The following PPFIA2 variants were observed in gnomAD, a reference collection of about 807,000 sequenced individuals.
The protein encoded by PPFIA2 is liprin-alpha-2.
A neutral mutation model predicts 175.5 loss-of-function variants in PPFIA2; 46 were observed. The ratio of observed to expected loss-of-function variants is 0.26; its 90% CI spans 0.21 to 0.34. The LOEUF (loss-of-function observed/expected upper bound fraction) is 0.34, where lower values mean the gene tolerates loss of function less well. PPFIA2 is among the 10% of genes least tolerant of loss of function. The probability of loss-of-function intolerance (pLI) is 1.00; values close to 1 mark genes in which losing one functional copy is unlikely to be tolerated. For synonymous variants in PPFIA2, 568 were observed against 511.4 expected (o/e 1.11, Z -1.49); for missense variants, 1,179 against 1,506.1 (o/e 0.78, Z 3.60).
chr12:81,426,050 A>G (rs1429715808), intron 7 of PPFIA2, among the ~76,000 whole-genome samples: 1 of 152,184 alleles, frequency 6.6e-6, no homozygotes, highest in East Asian at 1.9e-4. Context: ...ACTACACCTG[A>G]TAATCCAGCT....
At position 81,587,564 on chromosome 12, in the gene PPFIA2, T is replaced by C. The variant is rs538223092; in HGVS notation, c.303+89227A>G. Reference sequence around the variant, plus strand: ...GAATTTTTTAGAATAATTCTTGTTATTTGTAAAGTATTTTGAAAATATAAA... The same window carrying C: ...GAATTTTTTAGAATAATTCTTGTTACTTGTAAAGTATTTTGAAAATATAAA... On this transcript the variant is annotated intron_variant, in intron 4 of 32. Coordinates refer to ENST00000549396, the MANE Select transcript of PPFIA2 (RefSeq NM_003625.5). Among the ~76,000 whole-genome samples the C allele has an allele frequency of 4.6e-5, 7 of 152,154 alleles. No homozygotes were observed. In the East Asian group the frequency reaches 1.4e-3, roughly 29 times the overall value.
At chr12:81,658,214 G>A (rs2068091128) in intron 4 of PPFIA2, among the ~76,000 whole-genome samples, 1 of 147,760 alleles carries the variant, frequency 6.8e-6, no homozygotes, top group Non-Finnish European at 1.5e-5. Flanking sequence ...GTTGTGGTGA[G>A]CCCAGATCGT....
chr12:81,325,594 C>T (rs1440791773), intron 22 of PPFIA2, among the ~76,000 whole-genome samples, 183 bp downstream of exon 22: 1 of 152,070 alleles, frequency 6.6e-6, no homozygotes, highest in Non-Finnish European at 1.5e-5. Context: ...TATTTTTATA[C>T]TCTTTTAAAC....
intron 4 of PPFIA2, among the ~76,000 whole-genome samples, chr12:81,640,753 T>C (rs944728635): frequency 2.0e-5 from 3 of 152,128 alleles, no homozygotes; most frequent in African/African-American, 7.2e-5. Flanking sequence ...ATCCTAAAAA[T>C]AATAAACTCA....
chr12:81,355,005 G>T (rs1411445567), intron 16 of PPFIA2, among the ~76,000 whole-genome samples: 1 of 152,126 alleles, frequency 6.6e-6, no homozygotes, highest in Admixed American at 6.5e-5. Context: ...CTAGAATGAT[G>T]AATCGTTTCC....
At chr12:81,657,878 C>T (rs2068037049) in intron 4 of PPFIA2, among the ~76,000 whole-genome samples, 2 of 151,976 alleles carry the variant, frequency 1.3e-5, no homozygotes, top group African/African-American at 4.8e-5. Context: ...ATAAAAATAA[C>T]CCCCCCAACC....
At chr12:81,408,351 A>G (rs1279569610) in intron 7 of PPFIA2, among the ~76,000 whole-genome samples, 1 of 152,194 alleles carries the variant, frequency 6.6e-6, no homozygotes, top group Non-Finnish European at 1.5e-5. Flanking sequence ...AACATCTATG[A>G]CTAACAGAAA....
chr12:81,748,504 C>T (rs1597181067), intron 3 of PPFIA2, among the ~76,000 whole-genome samples: 1 of 144,580 alleles, frequency 6.9e-6, no homozygotes, highest in Admixed American at 7.3e-5. Context: ...GAGAACCTGC[C>T]AGGGCTAGCC....
At chr12:81,263,458 G>T (rs1272789345) in intron 30 of PPFIA2, 68 bp from the exon 31 acceptor site, 16 of 1,378,762 alleles carry the variant, frequency 1.2e-5, no homozygotes, top group Non-Finnish European at 1.0e-6. Context: ...AAAGCTCTGT[G>T]CTTAGAAACA....
intron 5 of PPFIA2, among the ~76,000 whole-genome samples, chr12:81,449,966 G>C (rs182720472): frequency 9.9e-5 from 15 of 151,622 alleles, no homozygotes; most frequent in Non-Finnish European, 1.9e-4. Context: ...AAAGGACATG[G>C]ACTCATCCTT....
intron 4 of PPFIA2, among the ~76,000 whole-genome samples, chr12:81,515,222 T>G (rs1266697328): frequency 6.6e-6 from 1 of 151,878 alleles, no homozygotes. Flanking sequence ...CTAATTCAAG[T>G]AATGGGGGGT....
intron 4 of PPFIA2, among the ~76,000 whole-genome samples, chr12:81,504,983 G>A (rs560099466): frequency 4.6e-5 from 7 of 152,186 alleles, no homozygotes; most frequent in East Asian, 3.9e-4. Context: ...ATCACACACC[G>A]GGCCCTGTCA....
intron 4 of PPFIA2, among the ~76,000 whole-genome samples, chr12:81,653,300 A>G (rs1669149800): frequency 6.6e-6 from 1 of 152,056 alleles, no homozygotes; most frequent in South Asian, 2.1e-4. Flanking sequence ...TCACTCCAAT[A>G]CCATTTTATG....
At chr12:81,581,660 G>A (rs1260927617) in intron 4 of PPFIA2, among the ~76,000 whole-genome samples, 2 of 151,152 alleles carry the variant, frequency 1.3e-5, no homozygotes, top group Middle Eastern at 3.4e-3. Context: ...CTTCCTTGCC[G>A]TAATTTATCC....
At chr12:81,316,497 T>G (rs1342378968) in intron 22 of PPFIA2, among the ~76,000 whole-genome samples, 1 of 151,600 alleles carries the variant, frequency 6.6e-6, no homozygotes, top group African/African-American at 2.4e-5. Flanking sequence ...AAGCACACAT[T>G]TAAATTCCTT....
chr12:81,529,282 A>G (rs191714442), intron 4 of PPFIA2, among the ~76,000 whole-genome samples: 7 of 152,166 alleles, frequency 4.6e-5, no homozygotes, highest in Admixed American at 2.0e-4. Context: ...AAACAAAGTC[A>G]TCATAGATTT....
intron 4 of PPFIA2, among the ~76,000 whole-genome samples, chr12:81,521,728 G>A (rs1211383175): frequency 6.6e-6 from 1 of 151,486 alleles, no homozygotes; most frequent in Admixed American, 6.6e-5. Flanking sequence ...GCTGAGGCAG[G>A]AGAATGGCGT....
chr12:81,361,997 GTATC>G (rs2030751839), intron 15 of PPFIA2, among the ~76,000 whole-genome samples: 1 of 122,930 alleles, frequency 8.1e-6, no homozygotes, highest in Non-Finnish European at 1.7e-5. Context: ...ATCTATCTAT[GTATC>G]TATGTATCTA....
At chr12:81,724,289 T>C (rs1023001110) in intron 3 of PPFIA2, among the ~76,000 whole-genome samples, 2 of 151,212 alleles carry the variant, frequency 1.3e-5, no homozygotes, top group African/African-American at 4.8e-5. Flanking sequence ...CAAGATGTTA[T>C]TAAATTGCTT....
Sources: allele counts gnomAD v4.1 joint callset (sites outside exome capture counted in the v4.1 genomes callset), GRCh38; gene constraint gnomAD v4.1.1; transcripts MANE v1.5; gene names NCBI Gene and HGNC (gene_info 2026-07-23, HGNC 2026-07-21).